The following TDRD9 variants were observed in gnomAD, a reference collection of about 807,000 sequenced individuals.
TDRD9 encodes the protein ATP-dependent RNA helicase TDRD9.
TDRD9 carries 124 observed loss-of-function variants against 172.6 expected under a neutral mutation model. The ratio of observed to expected loss-of-function variants is 0.72; its 90% CI spans 0.62 to 0.83. The LOEUF (loss-of-function observed/expected upper bound fraction) is 0.83. Ranked by LOEUF, TDRD9 falls within the 40% of genes least tolerant of loss-of-function variation. The probability of loss-of-function intolerance (pLI) is 0.00; values close to 1 mark genes in which losing one functional copy is unlikely to be tolerated. For synonymous variants in TDRD9, 619 were observed against 617.1 expected, an observed-to-expected ratio of 1.00 and a Z score of -0.05; for missense variants, 1,479 against 1,714.1, an observed-to-expected ratio of 0.86 and a Z score of 2.42.
At chr14:104,022,660 G>A (rs1400566020) in intron 24 of TDRD9, among the ~76,000 whole-genome samples, 1 of 152,054 alleles carries the variant, frequency 6.6e-6, no homozygotes, top group Non-Finnish European at 1.5e-5. Flanking sequence ...CCAGGAGGCG[G>A]AGGTTACAGT....
intron 33 of TDRD9, among the ~76,000 whole-genome samples, chr14:104,041,212 G>T (rs1425580988): frequency 6.6e-6 from 1 of 152,158 alleles, no homozygotes; most frequent in Non-Finnish European, 1.5e-5. Context: ...ACAAGAAGGG[G>T]CTTATGGGCT....
intron 9 of TDRD9, among the ~76,000 whole-genome samples, chr14:103,991,959 G>A (rs1039734301): frequency 1.3e-5 from 2 of 152,002 alleles, no homozygotes; most frequent in Admixed American, 6.6e-5. Flanking sequence ...TGCCACCTTC[G>A]AAATTTCCAG....
At chr14:103,937,690 T>G (rs2030861202) in intron 1 of TDRD9, among the ~76,000 whole-genome samples, 1 of 152,190 alleles carries the variant, frequency 6.6e-6, no homozygotes, top group Admixed American at 6.5e-5. Flanking sequence ...TGGGTGGTGC[T>G]GTCATTTACT....
chr14:104,038,230 C>G (rs762920204), intron 32 of TDRD9, among the ~76,000 whole-genome samples: 1 of 152,126 alleles, frequency 6.6e-6, no homozygotes, highest in African/African-American at 2.4e-5. Flanking sequence ...ACAACAACAA[C>G]AAGAAGTTCT....
chr14:104,049,282 A>G (rs2035874697), intron 34 of TDRD9: 1 of 162,052 alleles, frequency 6.2e-6, no homozygotes, highest in Non-Finnish European at 1.3e-5. Flanking sequence ...ACTTGTCATG[A>G]TTGCTTGAGA....
chr14:103,955,639 TACTA>T (rs2032155193), intron 1 of TDRD9, 21 bp from the exon 2 acceptor site: 1 of 1,525,830 alleles, frequency 6.6e-7, no homozygotes, highest in South Asian at 1.2e-5. Flanking sequence ...GGAAATAGTA[TACTA>T]ACTTTTACTA....
chr14:104,022,765 AAAG>A (rs1359568508), intron 24 of TDRD9, among the ~76,000 whole-genome samples: 4 of 102,560 alleles, frequency 3.9e-5, no homozygotes, highest in East Asian at 3.2e-4. Context: ...AATAAATAAA[AAAG>A]CACTGGCTTT....
chr14:104,005,070 TC>T, intron 14 of TDRD9: 1 of 425,560 alleles, frequency 2.3e-6, no homozygotes, highest in East Asian at 3.8e-5. Flanking sequence ...TCTCTCCCCA[TC>T]TTTTTATTTT....
At chr14:103,957,823 G>C (rs960372317) in intron 2 of TDRD9, among the ~76,000 whole-genome samples, 1 of 152,234 alleles carries the variant, frequency 6.6e-6, no homozygotes, top group East Asian at 1.9e-4. Context: ...TAGCGTGCCG[G>C]ATGGATTACC....
chr14:104,025,624 A>G lies in TDRD9; in HGVS notation c.2779A>G (p.Lys927Glu). 1 of 1,614,032 alleles carries G rather than the reference A, an allele frequency of 6.2e-7. No individual in the cohort carries two copies. Among genetic ancestry groups the G allele is most frequent in the Non-Finnish European group, 8.5e-7 (1 of 1,179,888 alleles). ...RIDENNSEIL[K>E]KLTAEINQLT... ...TGATGAAAACAACTCAGAGATTCTG[A>G]AAAAGCTTACTGCTGAAATCAACCA... is the stretch of plus-strand genomic sequence containing the variant. Residue 927 changes from lysine to glutamate, a missense_variant, in exon 26 of 36, where the codon AAA becomes GAA. Physicochemically the swap from Lys to Glu is moderately conservative, Grantham distance 56. This residue lies in a region of TDRD9 where 1,413 missense variants were observed against 1,649.1 expected (regional missense o/e 0.86). Transcript: ENST00000409874.
At chr14:103,941,209 A>T in intron 1 of TDRD9, 1 of 1,022,972 alleles carries the variant, frequency 9.8e-7, no homozygotes, top group Non-Finnish European at 1.4e-6. Context: ...CCACCTTTTG[A>T]GTATTTTGCA....
In TDRD9 at chr14:104,022,262, C is replaced by T. The variant is rs140463535; in HGVS notation, c.2538C>T (p.Ser846=). The T allele has an allele frequency of 1.1e-5, 18 of 1,613,110 alleles. No homozygotes were observed. The East Asian group carries it at 1.8e-4, about 16-fold the overall frequency. ...MSQLKVSLEL[S]VHSAEEIEGK... is the part of the protein sequence containing the mutation. ...AACTAAAAGTTTCACTTGAACTCAG[C>T]GTTCATTCTGCAGAGGAAATTGAAG... The change falls in exon 24 of 36, where the codon AGC becomes AGT. Residue 846 remains serine (S), a synonymous_variant. Coordinates refer to ENST00000409874, the MANE Select transcript of TDRD9 (RefSeq NM_153046.3).
chr14:104,039,866 C>T lies in TDRD9; in HGVS notation c.3717-330C>T, dbSNP rs1362592138. Among the ~76,000 whole-genome samples the T allele has an allele frequency of 2.0e-5, 3 of 151,958 alleles. No individual in the cohort carries two copies. The East Asian group carries it at 5.8e-4, about 29-fold the overall frequency. On this transcript the variant is annotated intron_variant, in intron 32 of 35. Coordinates refer to ENST00000409874, the MANE Select transcript of TDRD9 (RefSeq NM_153046.3). ...AGAAATCTCCCTAATAAGAATTTAACCCATGGAAAGAATTCGAAGGCAAGG... is the reference window on the plus strand; with the variant it reads ...AGAAATCTCCCTAATAAGAATTTAATCCATGGAAAGAATTCGAAGGCAAGG...
chr14:103,979,083 G>T lies in TDRD9; in HGVS notation c.1011+3530G>T, dbSNP rs560665376. 2.0e-5 allele frequency among the ~76,000 whole-genome samples: 3 copies of T among 152,126 alleles called. No homozygotes were observed. In the East Asian group the frequency reaches 5.8e-4, roughly 29 times the overall value. On this transcript the variant is annotated intron_variant, in intron 7 of 35. Transcript: ENST00000409874. ...CCCTTCCCAGCCTCTAGTATCTTCTGCTCTACTCTTTACTTCTATTAAACT... is the reference window on the plus strand; with the variant it reads ...CCCTTCCCAGCCTCTAGTATCTTCTTCTCTACTCTTTACTTCTATTAAACT...
In TDRD9 at chr14:103,980,685, G is replaced by A. The variant is rs2033437747; in HGVS notation, c.1011+5132G>A. ...TTCTCTAAACTACCCCAGGGAAAGGGAGACTCCCTTTCCCGGTCTGCTGAG... is the reference window on the plus strand; with the variant it reads ...TTCTCTAAACTACCCCAGGGAAAGGAAGACTCCCTTTCCCGGTCTGCTGAG... On this transcript the variant is annotated intron_variant, in intron 7 of 35. Coordinates refer to ENST00000409874, the MANE Select transcript of TDRD9 (RefSeq NM_153046.3). The surrounding 1 kb of genome is among the most constrained non-coding windows in gnomAD (Gnocchi z 4.5). Among the ~76,000 whole-genome samples, 1 of 152,076 alleles carries A rather than the reference G, an allele frequency of 6.6e-6. No homozygotes were observed. The highest frequency in any genetic ancestry group is 2.4e-5 in the African/African-American group (1 of 41,414).
At chr14:104,010,233 C>T (rs1417490921) in intron 20 of TDRD9, among the ~76,000 whole-genome samples, 2 of 150,740 alleles carry the variant, frequency 1.3e-5, no homozygotes, top group African/African-American at 4.9e-5. Context: ...GTGTGAGCCA[C>T]TGTGCCTGTC....
intron 29 of TDRD9, among the ~76,000 whole-genome samples, chr14:104,031,738 A>G (rs568089429): frequency 6.6e-6 from 1 of 151,152 alleles, no homozygotes; most frequent in East Asian, 2.0e-4. Context: ...TTGAAATAAT[A>G]GTATTTTCAC....
At position 103,994,593 on chromosome 14, in the gene TDRD9, G is replaced by T. The variant is rs1352745082; in HGVS notation, c.1310G>T (p.Gly437Val). The T allele has an allele frequency of 3.7e-6, 6 of 1,612,446 alleles. No homozygotes were observed. The highest frequency in any genetic ancestry group is 5.1e-6 in the Non-Finnish European group (6 of 1,179,150). Residue 437 changes from glycine (G) to valine (V), a missense_variant, in exon 11 of 36, where the codon GGG becomes GTG. Around this residue, in one of 3 missense-constraint regions of TDRD9, gnomAD observed 1,413 missense variants for 1,649.1 expected, o/e 0.86. Transcript: ENST00000409874. ...AATGTCTTTTTAAGTCCAGTCCCTG[G>T]GTACAGAAAGGTAGGAAAACTGGGA... ...QNNVFLSPVP[G>V]YRKIILSTNI...
At chr14:103,931,202 G>A (rs190003945) in intron 1 of TDRD9, among the ~76,000 whole-genome samples, 185 of 152,028 alleles carry the variant, frequency 1.2e-3, no homozygotes, top group African/African-American at 4.2e-3. Context: ...AGGAGGCTGA[G>A]GTGGGAGAAT....
Sources: allele counts gnomAD v4.1 joint callset (sites outside exome capture counted in the v4.1 genomes callset), GRCh38; gene constraint gnomAD v4.1.1; regional missense constraint gnomAD v4.1.1; non-coding constraint Gnocchi (gnomAD v3.1); transcripts MANE v1.5; gene names NCBI Gene and HGNC (gene_info 2026-07-23, HGNC 2026-07-21).